The following RBFOX1 variants were observed in gnomAD, a reference collection of about 807,000 sequenced individuals.
RBFOX1 encodes the protein RNA binding fox-1 homolog 1, also known as RNA binding protein fox-1 homolog 1.
In RBFOX1, 8 loss-of-function variants were observed where a neutral mutation model predicts 57.7. The ratio of observed to expected loss-of-function variants is 0.14; its 90% CI spans 0.08 to 0.25. The LOEUF (loss-of-function observed/expected upper bound fraction) is 0.25. Among genes scored for constraint, RBFOX1 ranks in the 10% least tolerant of loss-of-function variants. The pLI is 1.00. For missense variants in RBFOX1, 611 were observed against 548.5 expected, an observed-to-expected ratio of 1.11 and a Z score of -1.14; for synonymous variants, 326 against 222.4, an observed-to-expected ratio of 1.47 and a Z score of -4.15.
chr16:7,477,884 A>G (rs1490230767), intron 4 of RBFOX1, among the ~76,000 whole-genome samples: 1 of 152,142 alleles, frequency 6.6e-6, no homozygotes, highest in Non-Finnish European at 1.5e-5. Context: ...GGCTGGCAGC[A>G]GAGTCTAACA....
At chr16:6,475,702 C>G (rs1439879543) in intron 2 of RBFOX1, among the ~76,000 whole-genome samples, 1 of 152,264 alleles carries the variant, frequency 6.6e-6, no homozygotes, top group African/African-American at 2.4e-5. Flanking sequence ...TGTTCTAATC[C>G]TGCAAACTTT....
chr16:6,263,424 TG>T (rs1373113592), intron 1 of RBFOX1, among the ~76,000 whole-genome samples: 1 of 152,134 alleles, frequency 6.6e-6, no homozygotes, highest in Non-Finnish European at 1.5e-5. Context: ...TTCAATTGGT[TG>T]GGGGAAAAAA....
intron 4 of RBFOX1, among the ~76,000 whole-genome samples, chr16:7,373,725 T>G (rs1433759861): frequency 6.6e-6 from 1 of 152,256 alleles, no homozygotes; most frequent in East Asian, 1.9e-4. Context: ...ATTGCAATAG[T>G]TGATACAGGG....
chr16:6,227,903 G>T (rs911383400), intron 1 of RBFOX1, among the ~76,000 whole-genome samples: 1 of 152,140 alleles, frequency 6.6e-6, no homozygotes, highest in African/African-American at 2.4e-5. Context: ...ATTAAAAATA[G>T]AACTACCATA....
chr16:6,448,406 C>T (rs1420163330), intron 2 of RBFOX1, among the ~76,000 whole-genome samples: 1 of 152,102 alleles, frequency 6.6e-6, no homozygotes, highest in African/African-American at 2.4e-5. Flanking sequence ...ATCTGCCCGC[C>T]TTGGCCTCCC....
intron 3 of RBFOX1, among the ~76,000 whole-genome samples, chr16:5,862,240 G>A (rs1597539914): frequency 1.3e-5 from 2 of 152,202 alleles, no homozygotes; most frequent in African/African-American, 4.8e-5. Context: ...ATGCTGCCAC[G>A]GATCCTCGTG....
At chr16:5,447,349 C>G (rs1158535230) in intron 1 of RBFOX1, among the ~76,000 whole-genome samples, 1 of 147,924 alleles carries the variant, frequency 6.8e-6, no homozygotes, top group Non-Finnish European at 1.5e-5. Flanking sequence ...TTCCCTGTCT[C>G]TCATCATTCA....
At chr16:6,287,375 G>C (rs2077006745) in intron 1 of RBFOX1, among the ~76,000 whole-genome samples, 1 of 152,134 alleles carries the variant, frequency 6.6e-6, no homozygotes, top group African/African-American at 2.4e-5. Context: ...AAACAAACTT[G>C]CTAAGAATCC....
intron 2 of RBFOX1, among the ~76,000 whole-genome samples, chr16:6,352,928 A>T (rs1274851628): frequency 6.6e-6 from 1 of 152,210 alleles, no homozygotes; most frequent in Admixed American, 6.5e-5. Context: ...GGATGATTTA[A>T]AGCGGGAGAG....
chr16:6,556,254 G>C (rs991928262), intron 2 of RBFOX1, among the ~76,000 whole-genome samples: 2 of 152,192 alleles, frequency 1.3e-5, no homozygotes, highest in African/African-American at 2.4e-5. Context: ...GATCCTGCAT[G>C]TGTACAAAAA....
intron 4 of RBFOX1, among the ~76,000 whole-genome samples, chr16:7,403,502 G>A (rs2037571808): frequency 6.6e-6 from 1 of 151,238 alleles, no homozygotes; most frequent in African/African-American, 2.4e-5. Flanking sequence ...TTCTGTGTCT[G>A]GTTTATTTTC....
At chr16:5,376,912 C>T (rs757325582) in intron 1 of RBFOX1, among the ~76,000 whole-genome samples, 2 of 95,710 alleles carry the variant, frequency 2.1e-5, no homozygotes, top group Non-Finnish European at 2.3e-5. Flanking sequence ...CTGTTGCCTG[C>T]GTTGGCAGTC....
chr16:7,237,818 C>T (rs1603429333), intron 4 of RBFOX1, among the ~76,000 whole-genome samples: 1 of 152,086 alleles, frequency 6.6e-6, no homozygotes, highest in Admixed American at 6.6e-5. Context: ...CCAGCATGGC[C>T]AACGTGGTGA....
At chr16:5,780,125 C>T (rs547822079) in intron 3 of RBFOX1, among the ~76,000 whole-genome samples, 1 of 152,148 alleles carries the variant, frequency 6.6e-6, no homozygotes, top group Non-Finnish European at 1.5e-5. Context: ...GCCTCAGCAT[C>T]CAGAGTAGAT....
chr16:7,488,193 G>A (rs531131862), intron 4 of RBFOX1, among the ~76,000 whole-genome samples: 3 of 152,238 alleles, frequency 2.0e-5, no homozygotes, highest in East Asian at 1.9e-4. Context: ...CATCTGCAGC[G>A]TGCTCATCCC....
chr16:6,696,514 C>T (rs959367924), intron 3 of RBFOX1, among the ~76,000 whole-genome samples: 2 of 151,936 alleles, frequency 1.3e-5, no homozygotes, highest in African/African-American at 2.4e-5. Context: ...TCATTGTAGC[C>T]GAATTAGATG....
chr16:6,115,673 G>A (rs75548159), intron 1 of RBFOX1, among the ~76,000 whole-genome samples: 3,251 of 152,200 alleles, frequency 0.021, 111 homozygotes, highest in African/African-American at 0.069. Context: ...CAGGATTTTT[G>A]TGTTGTGGGC....
intron 2 of RBFOX1, among the ~76,000 whole-genome samples, chr16:6,615,311 A>C (rs80010408): frequency 0.12 from 18,438 of 152,168 alleles, 1,397 homozygotes; most frequent in Middle Eastern, 0.24. Context: ...TCCTCATGCC[A>C]GTAATTCTAG....
intron 3 of RBFOX1, among the ~76,000 whole-genome samples, chr16:7,048,604 A>T (rs540925175): frequency 6.6e-6 from 1 of 151,926 alleles, no homozygotes; most frequent in African/African-American, 2.4e-5. Flanking sequence ...AATGCTGTCA[A>T]TTTTTTTCTC....
Sources: gnomAD v4.1 joint callset for allele counts (sites outside exome capture counted in the v4.1 genomes callset) on GRCh38, gnomAD v4.1.1 for gene constraint, MANE v1.5 for transcripts, NCBI Gene and HGNC (gene_info 2026-07-23, HGNC 2026-07-21) for gene names.